The following PDE7B variants were observed in gnomAD, a reference collection of about 807,000 sequenced individuals.
PDE7B encodes phosphodiesterase 7B, also known as 3',5'-cyclic-AMP phosphodiesterase 7B.
A neutral mutation model predicts 56.2 loss-of-function variants in PDE7B; 29 were observed. That is an observed-to-expected ratio of 0.52 (90% CI 0.38 to 0.70). The LOEUF (loss-of-function observed/expected upper bound fraction) is 0.70. Ranked by LOEUF, PDE7B falls within the 30% of genes least tolerant of loss-of-function variation. PDE7B has a pLI of 0.00. For missense variants in PDE7B, 490 were observed against 565.0 expected, an observed-to-expected ratio of 0.87 and a Z score of 1.35; for synonymous variants, 197 against 196.9, an observed-to-expected ratio of 1.00 and a Z score of 0.00.
chr6:135,961,276 TGTGTATGTG>T (rs1774896138), intron 2 of PDE7B, among the ~76,000 whole-genome samples: 1 of 134,832 alleles, frequency 7.4e-6, no homozygotes. Flanking sequence ...TGTGTGTGTG[TGTGTATGTG>T]TGTGTGTGTG....
chr6:135,883,498 T>C (rs1192219398), intron 1 of PDE7B, among the ~76,000 whole-genome samples: 1 of 152,236 alleles, frequency 6.6e-6, no homozygotes, highest in Admixed American at 6.5e-5. Flanking sequence ...TAAGTGTGTC[T>C]GCAAAATCCG....
chr6:135,852,094 T>A, intron 1 of PDE7B, 75 bp downstream of exon 1: 2 of 987,600 alleles, frequency 2.0e-6, no homozygotes, highest in Non-Finnish European at 3.3e-6. Context: ...GCAGGATTTT[T>A]ATTTAAAATG....
chr6:136,046,749 C>A (rs1225807194), intron 2 of PDE7B, among the ~76,000 whole-genome samples: 1 of 152,140 alleles, frequency 6.6e-6, no homozygotes, highest in Non-Finnish European at 1.5e-5. Context: ...TATCTATAGA[C>A]CCACCTCTTA....
chr6:136,145,253 C>T (rs11154854), intron 3 of PDE7B, among the ~76,000 whole-genome samples: 69,364 of 151,856 alleles, frequency 0.46, 16,357 homozygotes, highest in African/African-American at 0.59. Flanking sequence ...CAATGGTTTA[C>T]AATCCATTCT....
At chr6:136,020,463 A>G (rs369409105) in intron 2 of PDE7B, among the ~76,000 whole-genome samples, 2 of 152,350 alleles carry the variant, frequency 1.3e-5, no homozygotes, top group East Asian at 3.9e-4. Context: ...TATGCATGAT[A>G]ATATAATATA....
At chr6:136,013,674 G>A (rs1354571884) in intron 2 of PDE7B, among the ~76,000 whole-genome samples, 1 of 152,192 alleles carries the variant, frequency 6.6e-6, no homozygotes, top group East Asian at 1.9e-4. Context: ...CAGGAAGGTG[G>A]AACAGGACAT....
At chr6:136,050,199 C>G (rs917351800) in intron 2 of PDE7B, among the ~76,000 whole-genome samples, 2 of 152,158 alleles carry the variant, frequency 1.3e-5, no homozygotes, top group South Asian at 2.1e-4. Flanking sequence ...CTCCGTGATG[C>G]GTGATGGCAC....
chr6:136,059,595 T>G (rs1776801571), intron 2 of PDE7B, among the ~76,000 whole-genome samples: 1 of 152,156 alleles, frequency 6.6e-6, no homozygotes, highest in Non-Finnish European at 1.5e-5. Flanking sequence ...TTGCTGCAGT[T>G]GAGCGGGAAA....
At chr6:135,968,718 G>A (rs888239431) in intron 2 of PDE7B, among the ~76,000 whole-genome samples, 5 of 152,174 alleles carry the variant, frequency 3.3e-5, no homozygotes, top group African/African-American at 4.8e-5. Context: ...CATTGAGGAA[G>A]ACAGTGTGGT....
chr6:136,177,902 G>T (rs1779005229), intron 9 of PDE7B, among the ~76,000 whole-genome samples: 1 of 152,046 alleles, frequency 6.6e-6, no homozygotes, highest in Non-Finnish European at 1.5e-5. Flanking sequence ...TAATGGAATG[G>T]ATTTCATTAT....
intron 5 of PDE7B, 77 bp downstream of exon 5, chr6:136,149,227 T>C (rs1778470689): frequency 1.1e-6 from 1 of 930,414 alleles, no homozygotes; most frequent in South Asian, 1.3e-5. Flanking sequence ...AAAATTTATT[T>C]TTAAACACTG....
At chr6:136,060,136 A>T (rs1776812711) in intron 2 of PDE7B, among the ~76,000 whole-genome samples, 1 of 152,262 alleles carries the variant, frequency 6.6e-6, no homozygotes, top group Non-Finnish European at 1.5e-5. Context: ...TATAAAAATG[A>T]ATAGCTAATA....
At chr6:135,935,217 T>TATATATATATATATATATATATATATA (rs1554268029) in intron 1 of PDE7B, among the ~76,000 whole-genome samples, 13 of 91,168 alleles carry the variant, frequency 1.4e-4, no homozygotes, top group African/African-American at 4.9e-4. Flanking sequence ...TATATATATA[T>TATATATATATATATATATATATATATA]TTTCATGATT....
In PDE7B at chr6:135,896,362, C is replaced by G. The variant is rs577068144; in HGVS notation, c.21+44343C>G. ...CCTCCCTTGGTTCCTAAGATAACTA[C>G]TCCAACCCATAGTTGCCTAGGATTG... On this transcript the variant is annotated intron_variant, in intron 1 of 12. Transcript: ENST00000308191. Among the ~76,000 whole-genome samples, 14 of 152,280 alleles carry G rather than the reference C, an allele frequency of 9.2e-5. No individual in the cohort carries two copies. In the South Asian group the frequency reaches 2.7e-3, roughly 29 times the overall value.
intron 2 of PDE7B, among the ~76,000 whole-genome samples, chr6:136,053,122 A>G (rs992265079): frequency 1.3e-5 from 2 of 152,088 alleles, no homozygotes; most frequent in African/African-American, 2.4e-5. Flanking sequence ...GGTTTGTTAC[A>G]TATGTATACA....
intron 2 of PDE7B, among the ~76,000 whole-genome samples, chr6:136,073,397 AAC>A (rs1313545969): frequency 6.6e-6 from 1 of 152,230 alleles, no homozygotes; most frequent in Non-Finnish European, 1.5e-5. Context: ...AGGCTGTCAT[AAC>A]ACAGCACCAT....
chr6:136,037,976 A>C (rs1776352468), intron 2 of PDE7B: 1 of 1,226,076 alleles, frequency 8.2e-7, no homozygotes, highest in Non-Finnish European at 1.0e-6. Flanking sequence ...GGGGAAAAAA[A>C]ATGCATTCTA....
chr6:136,184,798 T>A (rs527605137), intron 11 of PDE7B, among the ~76,000 whole-genome samples: 1 of 152,180 alleles, frequency 6.6e-6, no homozygotes, highest in Middle Eastern at 3.4e-3. Context: ...AAGCAACAAC[T>A]AAGAATAAAT....
chr6:136,097,561 C>T (rs1055095562), intron 2 of PDE7B, among the ~76,000 whole-genome samples: 1 of 152,290 alleles, frequency 6.6e-6, no homozygotes, highest in African/African-American at 2.4e-5. Context: ...TTTACCCTTC[C>T]ATTCCTTTCT....
Sources: allele counts gnomAD v4.1 joint callset (sites outside exome capture counted in the v4.1 genomes callset), GRCh38; gene constraint gnomAD v4.1.1; transcripts MANE v1.5; gene names NCBI Gene and HGNC (gene_info 2026-07-23, HGNC 2026-07-21).